The following PCDHGA2 variants were observed in gnomAD, a reference collection of about 807,000 sequenced individuals.
PCDHGA2 encodes protocadherin gamma-A2.
PCDHGA2 carries 40 observed loss-of-function variants against 59.2 expected under a neutral mutation model. The ratio of observed to expected loss-of-function variants is 0.68; its 90% CI spans 0.52 to 0.88. PCDHGA2 has a LOEUF of 0.88. Among genes scored for constraint, PCDHGA2 ranks in the 40% least tolerant of loss-of-function variants. PCDHGA2 has a pLI of 0.00. For synonymous variants in PCDHGA2, 560 were observed against 526.0 expected (o/e 1.06, Z -0.89); for missense variants, 1,226 against 1,204.0 (o/e 1.02, Z -0.27).
chr5:141,478,783 T>G (rs1435790850), intron 1 of PCDHGA2: 2 of 1,483,968 alleles, frequency 1.3e-6, no homozygotes, highest in Admixed American at 4.6e-5. Flanking sequence ...TGGACCTAAT[T>G]CACATCCTCA....
intron 1 of PCDHGA2, among the ~76,000 whole-genome samples, chr5:141,435,561 T>A (rs2154556722): frequency 6.6e-6 from 1 of 152,294 alleles, no homozygotes; most frequent in South Asian, 2.1e-4. Flanking sequence ...TGAGTGCTTT[T>A]TTTAGTACTG....
Position 141,476,996 on chromosome 5 carries a change from C to T in PCDHGA2, c.2425-17811C>T. The T allele has an allele frequency of 6.2e-7, 1 of 1,614,250 alleles. No homozygotes were observed. Among genetic ancestry groups the T allele is most frequent in the Non-Finnish European group, 8.5e-7 (1 of 1,180,052 alleles). On this transcript the variant is annotated intron_variant, in intron 1 of 3. Coordinates refer to ENST00000394576, the MANE Select transcript of PCDHGA2 (RefSeq NM_018915.4). The surrounding 1 kb of genome is among the most constrained non-coding windows in gnomAD (Gnocchi z 7.6). ...CCACAACCGCGCCGGCGTGCGGCAA[C>T]TATTCGCCTTAGACCTTGTAACCGG...
At position 141,344,158 on chromosome 5, in the gene PCDHGA2, G is replaced by A. The variant is rs761148064; in HGVS notation, c.2424+2763G>A. The A allele has an allele frequency of 1.2e-6, 2 of 1,613,910 alleles. No individual in the cohort carries two copies. The highest frequency in any genetic ancestry group is 1.7e-6 in the Non-Finnish European group (2 of 1,179,908). On this transcript the variant is annotated intron_variant, in intron 1 of 3. Coordinates refer to ENST00000394576, the MANE Select transcript of PCDHGA2 (RefSeq NM_018915.4). ...TCGGTGTCTGAGGAGCTAGATAAAG[G>A]TTCCTTCGTGGGCAACATCGCTAAC...
rs754536860 is a variant in PCDHGA2, at chr5:141,432,221, A to G, written c.2425-62586A>G. The G allele has an allele frequency of 2.5e-6, 4 of 1,614,190 alleles. No homozygotes were observed. The South Asian group carries it at 4.4e-5, about 18-fold the overall frequency. ...CGACTGTGAAGAGAACGCCCAGATC[A>G]CTTATTCCCTGGCTGAGAACACCAT... On this transcript the variant is annotated intron_variant, in intron 1 of 3. Coordinates refer to ENST00000394576, the MANE Select transcript of PCDHGA2 (RefSeq NM_018915.4). The surrounding 1 kb of genome is among the most constrained non-coding windows in gnomAD (Gnocchi z 6.0).
Position 141,505,473 on chromosome 5 carries a change from C to T in PCDHGA2, c.2564C>T (p.Ser855Phe). The change falls in exon 3 of 4, where the codon TCC (serine) becomes TTC (phenylalanine). Residue 855 changes from serine to phenylalanine, a missense_variant. Transcript: ENST00000394576. Reference sequence around the variant, plus strand: ...ATGCTGCAAGCCATGATCTTGGCGTCCGCCAGTGGTAAGTGGTGTCAGTGT... The same window carrying T: ...ATGCTGCAAGCCATGATCTTGGCGTTCGCCAGTGGTAAGTGGTGTCAGTGT... ...TEMLQAMILA[S>F]ASEAADGSST... is the part of the protein sequence containing the mutation. The T allele has an allele frequency of 6.2e-7, 1 of 1,614,188 alleles. No homozygotes were observed. Among genetic ancestry groups the T allele is most frequent in the Non-Finnish European group, 8.5e-7 (1 of 1,180,014 alleles).
intron 1 of PCDHGA2, chr5:141,416,504 C>G (rs966090979): frequency 1.3e-5 from 2 of 152,040 alleles, no homozygotes; most frequent in African/African-American, 4.8e-5. Flanking sequence ...AGATATATGA[C>G]AAAGCTATTT....
intron 1 of PCDHGA2, among the ~76,000 whole-genome samples, chr5:141,358,146 T>C (rs1760833280): frequency 6.6e-6 from 1 of 152,164 alleles, no homozygotes; most frequent in South Asian, 2.1e-4. Flanking sequence ...GCTGAGATCA[T>C]GACACTGTAC....
intron 1 of PCDHGA2, chr5:141,375,668 C>T: frequency 2.5e-6 from 4 of 1,614,258 alleles, no homozygotes; most frequent in Non-Finnish European, 3.4e-6. Context: ...GAGAGACCTA[C>T]AGCTGTGGGT....
intron 1 of PCDHGA2, chr5:141,383,556 C>A: frequency 6.2e-7 from 1 of 1,612,766 alleles, no homozygotes; most frequent in Non-Finnish European, 8.5e-7. Context: ...ATGGCGGCGA[C>A]CCGCCCCGAT....
chr5:141,476,421 C>T lies in PCDHGA2; in HGVS notation c.2425-18386C>T, dbSNP rs765688262. On this transcript the variant is annotated intron_variant, in intron 1 of 3. Coordinates refer to ENST00000394576, the MANE Select transcript of PCDHGA2 (RefSeq NM_018915.4). The surrounding 1 kb of genome is among the most constrained non-coding windows in gnomAD (Gnocchi z 7.6). ...CGAGAGGAGCTGTGTGGGACACTGC[C>T]CTCTTGCACTGTAACTCTGGAGTTG... 1 of 1,614,026 alleles carries T rather than the reference C, an allele frequency of 6.2e-7. No homozygotes were observed. The highest frequency in any genetic ancestry group is 8.5e-7 in the Non-Finnish European group (1 of 1,179,994).
Position 141,400,095 on chromosome 5 carries a change from G to A in PCDHGA2, c.2424+58700G>A, listed in dbSNP as rs6873830. ...CGCCACTCTCCGCCACCGCCACGCT[G>A]CACTTGGTCTTTGCTGACAGCTTGC... On this transcript the variant is annotated intron_variant, in intron 1 of 3. Coordinates refer to ENST00000394576, the MANE Select transcript of PCDHGA2 (RefSeq NM_018915.4). 3.0e-3 allele frequency: 4,838 copies of A among 1,614,064 alleles called. 144 individuals are homozygous for A. The African/African-American group carries it at 0.056, about 19-fold the overall frequency.
At chr5:141,390,407 G>A in intron 1 of PCDHGA2, 1 of 1,265,446 alleles carries the variant, frequency 7.9e-7, no homozygotes, top group Non-Finnish European at 1.1e-6. Flanking sequence ...TAGGAAAGTT[G>A]TAGTCAGTTA....
chr5:141,423,238 G>C (rs765040062), intron 1 of PCDHGA2: 4 of 1,613,778 alleles, frequency 2.5e-6, no homozygotes, highest in South Asian at 2.2e-5. Context: ...CAGCATCCCC[G>C]AAGTCCTGGC....
At chr5:141,351,111 G>A in intron 1 of PCDHGA2, 1 of 1,614,030 alleles carries the variant, frequency 6.2e-7, no homozygotes. Flanking sequence ...TCCCCAATAA[G>A]TACCAGCCTC....
chr5:141,370,311 A>G, intron 1 of PCDHGA2: 8 of 1,247,000 alleles, frequency 6.4e-6, no homozygotes, highest in Non-Finnish European at 8.9e-6. Context: ...CAAAGCAAAT[A>G]GTTGGTCCTG....
chr5:141,423,904 G>A, intron 1 of PCDHGA2: 2 of 1,275,052 alleles, frequency 1.6e-6, no homozygotes, highest in Middle Eastern at 3.1e-4. Flanking sequence ...TGATTTCAAA[G>A]GGGCCATTCA....
chr5:141,384,013 C>T, intron 1 of PCDHGA2: 1 of 1,613,758 alleles, frequency 6.2e-7, no homozygotes, highest in Non-Finnish European at 8.5e-7. Context: ...TTTCTACCTA[C>T]AAGACAGAGA....
chr5:141,388,936 C>A, intron 1 of PCDHGA2: 4 of 1,613,926 alleles, frequency 2.5e-6, no homozygotes, highest in Non-Finnish European at 3.4e-6. Context: ...CAGTCTCTAC[C>A]CAACCTAATT....
intron 1 of PCDHGA2, chr5:141,370,659 C>G: frequency 6.2e-7 from 1 of 1,613,780 alleles, no homozygotes; most frequent in Non-Finnish European, 8.5e-7. Context: ...TGTGAGCGAC[C>G]GTATAGACCG....
Sources: gnomAD v4.1 joint callset for allele counts (sites outside exome capture counted in the v4.1 genomes callset) on GRCh38, gnomAD v4.1.1 for gene constraint, Gnocchi (gnomAD v3.1) non-coding constraint, MANE v1.5 for transcripts, NCBI Gene and HGNC (gene_info 2026-07-23, HGNC 2026-07-21) for gene names.